The following ANOS1 variants were observed in gnomAD, a reference collection of about 807,000 sequenced individuals.
ANOS1 encodes the protein anosmin 1, also known as anosmin-1.
A neutral mutation model predicts 59.0 loss-of-function variants in ANOS1; 6 were observed. The ratio of observed to expected loss-of-function variants is 0.10; its 90% CI spans 0.06 to 0.20. ANOS1 has a LOEUF of 0.20. ANOS1 is among the 10% of genes least tolerant of loss of function. ANOS1 has a pLI of 1.00. For missense variants in ANOS1, 433 were observed against 542.3 expected (o/e 0.80, Z 2.00); for synonymous variants, 217 against 223.4 (o/e 0.97, Z 0.25).
intron 3 of ANOS1, among the ~76,000 whole-genome samples, chrX:8,603,403 AT>A (rs1385960864): frequency 1.8e-5 from 2 of 112,051 alleles, no homozygotes; most frequent in Non-Finnish European, 3.8e-5. Context: ...AAAAACTAAA[AT>A]GTGGTTTTTA....
At chrX:8,665,315 A>G (rs1932116260) in intron 2 of ANOS1, among the ~76,000 whole-genome samples, 1 of 112,576 alleles carries the variant, frequency 8.9e-6, no homozygotes, top group African/African-American at 3.2e-5. Flanking sequence ...GTAAATTACT[A>G]ACTGCATAAA....
chrX:8,727,246 A>T (rs1932927904), intron 1 of ANOS1, among the ~76,000 whole-genome samples: 1 of 111,766 alleles, frequency 8.9e-6, no homozygotes. Flanking sequence ...CCTCTCCAGG[A>T]CAGGTTCTCA....
intron 2 of ANOS1, among the ~76,000 whole-genome samples, chrX:8,637,221 G>C (rs1357075960): frequency 8.9e-6 from 1 of 111,867 alleles, no homozygotes; most frequent in African/African-American, 3.2e-5. Context: ...TTTTGCACAG[G>C]GTTTAGAAGA....
Position 8,568,354 on chromosome X carries a change from T to C in ANOS1, c.1085A>G (p.Glu362Gly), listed in dbSNP as rs772156018. The stretch of plus-strand genomic sequence containing the variant: ...ATAGTCACAGTCTGGCTGGAGTTTC[T>C]CCAGGATCACAGAATTTTGAAACTA... ...TDGFQNSVILEKLQPDCDYVV... is the reference protein window; with the variant it reads ...TDGFQNSVILGKLQPDCDYVV... Residue 362 changes from glutamate (E) to glycine (G), a missense_variant, in exon 8 of 14, where the codon GAG (glutamate) becomes GGG (glycine). Coordinates refer to ENST00000262648, the MANE Select transcript of ANOS1 (RefSeq NM_000216.4). 1.7e-6 allele frequency: 2 copies of C among 1,208,520 alleles called. No individual in the cohort carries two copies. The highest frequency in any genetic ancestry group is 3.0e-5 in the East Asian group (1 of 33,736).
At chrX:8,657,489 T>A (rs976555451) in intron 2 of ANOS1, among the ~76,000 whole-genome samples, 1 of 103,690 alleles carries the variant, frequency 9.6e-6, no homozygotes, top group South Asian at 4.6e-4. Flanking sequence ...TTTTTTTTTT[T>A]ACGGAGTCTT....
At chrX:8,720,711 G>A (rs1426967925) in intron 1 of ANOS1, among the ~76,000 whole-genome samples, 1 of 110,615 alleles carries the variant, frequency 9.0e-6, no homozygotes, top group African/African-American at 3.3e-5. Context: ...AAACTAGCCT[G>A]ATCAACATAG....
intron 2 of ANOS1, among the ~76,000 whole-genome samples, chrX:8,638,752 T>C (rs191334651): frequency 7.5e-4 from 84 of 111,963 alleles, no homozygotes; most frequent in African/African-American, 2.6e-3. Context: ...TTTAGCAACA[T>C]AGAGGCACTC....
At chrX:8,629,644 T>C (rs1280437857) in intron 2 of ANOS1, among the ~76,000 whole-genome samples, 4 of 109,908 alleles carry the variant, frequency 3.6e-5, no homozygotes, top group Non-Finnish European at 7.5e-5. Flanking sequence ...AACTCATGAG[T>C]GGAAGTACTG....
At position 8,554,063 on chromosome X, in the gene ANOS1, G is replaced by T. The variant is rs1286191530; in HGVS notation, c.1243C>A (p.Gln415Lys). Residue 415 changes from glutamine to lysine, a missense_variant, in exon 9 of 14, where the codon CAA becomes AAA. Transcript: ENST00000262648. ...QLVKTRKGGIQTQLPFQRRRP... is the reference protein window; with the variant it reads ...QLVKTRKGGIKTQLPFQRRRP... ...CGTCTTTGAAAAGGGAGTTGTGTTT[G>T]AATTCCACCTTTTCTAGTTTTCACA... 3.3e-6 allele frequency: 4 copies of T among 1,204,145 alleles called. No individual in the cohort carries two copies. Among genetic ancestry groups the T allele is most frequent in the African/African-American group, 1.8e-5 (1 of 57,103 alleles).
intron 2 of ANOS1, among the ~76,000 whole-genome samples, chrX:8,655,819 C>A: frequency 8.9e-6 from 1 of 112,431 alleles, no homozygotes; most frequent in Non-Finnish European, 1.9e-5. Flanking sequence ...TAAAGCACTT[C>A]TAATACAATT....
At position 8,725,741 on chromosome X, in the gene ANOS1, GATAT is replaced by G. The variant is rs199927471; in HGVS notation, c.207+6085_207+6088del. ...ATATATATACAGATATATATATACAGATATATATATATACAGATATATATATTTG... is the reference window on the plus strand; with the variant it reads ...ATATATATACAGATATATATATACAGATATATATACAGATATATATATTTG... On this transcript the variant is annotated intron_variant, in intron 1 of 13. Coordinates refer to ENST00000262648, the MANE Select transcript of ANOS1 (RefSeq NM_000216.4). Among the ~76,000 whole-genome samples, 14 of 22,931 alleles carry G rather than the reference GATAT, an allele frequency of 6.1e-4. 1 individual carries two copies. Among genetic ancestry groups the G allele is most frequent in the African/African-American group, 5.9e-3 (14 of 2,386 alleles). 19.9% of individuals were successfully genotyped at this position (22,931 alleles called of 115,157 possible).
chrX:8,620,187 A>G lies in ANOS1; in HGVS notation c.318+3421T>C, dbSNP rs140087593. Among the ~76,000 whole-genome samples the G allele has an allele frequency of 3.3e-3, 370 of 112,569 alleles. 1 individual carries two copies. The highest frequency in any genetic ancestry group is 0.011 in the African/African-American group (346 of 31,058). On this transcript the variant is annotated intron_variant, in intron 3 of 13. Coordinates refer to ENST00000262648, the MANE Select transcript of ANOS1 (RefSeq NM_000216.4). ...TCAGCTATAAGGGCCATATAATGTT[A>G]CAAGTACTCAATTCTGTTGTTGTAG...
chrX:8,561,537 G>C (rs930108378), intron 8 of ANOS1, among the ~76,000 whole-genome samples: 19 of 99,095 alleles, frequency 1.9e-4, no homozygotes, highest in African/African-American at 6.8e-4. Flanking sequence ...GGATGGTCTC[G>C]ATCTCCTGAC....
rs1932375244 is a variant in ANOS1 at position 8,678,771 on chromosome X, A to C, written c.255+20927T>G. On this transcript the variant is annotated intron_variant, in intron 2 of 13. Transcript: ENST00000262648. ...TCAATTCCCTTTACTGAGCATGGCC[A>C]ATCTTAGTGCTCAAAGGCACAGAAA... is the stretch of plus-strand genomic sequence containing the variant. Among the ~76,000 whole-genome samples, 5 of 112,059 alleles carry C rather than the reference A, an allele frequency of 4.5e-5. No individual in the cohort carries two copies. In the Admixed American group the frequency reaches 4.8e-4, roughly 11 times the overall value.
intron 1 of ANOS1, among the ~76,000 whole-genome samples, chrX:8,728,858 C>G (rs1013983849): frequency 9.0e-6 from 1 of 111,723 alleles, no homozygotes; most frequent in Admixed American, 9.5e-5. Flanking sequence ...AGTACTGAGT[C>G]CCTTGTGTTT....
At chrX:8,674,532 GGAA>G (rs745910668) in intron 2 of ANOS1, among the ~76,000 whole-genome samples, 7 of 111,895 alleles carry the variant, frequency 6.3e-5, no homozygotes, top group Non-Finnish European at 1.3e-4. Context: ...GGGCCACACT[GGAA>G]GAAGAAGAAT....
At chrX:8,661,588 T>C (rs777932505) in intron 2 of ANOS1, among the ~76,000 whole-genome samples, 59 of 112,122 alleles carry the variant, frequency 5.3e-4, no homozygotes, top group Admixed American at 1.3e-3. Context: ...CCCGTAACAG[T>C]AGACTTTTTG....
intron 2 of ANOS1, among the ~76,000 whole-genome samples, chrX:8,661,151 T>C (rs189741104): frequency 4.5e-5 from 5 of 111,140 alleles, no homozygotes; most frequent in Non-Finnish European, 7.5e-5. Context: ...CCTCATGTGG[T>C]CGACCCTCTG....
intron 6 of ANOS1, among the ~76,000 whole-genome samples, chrX:8,577,072 T>C (rs1032454075): frequency 9.0e-6 from 1 of 111,542 alleles, no homozygotes; most frequent in Non-Finnish European, 1.9e-5. Context: ...CAAAACCAGG[T>C]TGCAGGCCAA....
Sources: allele counts gnomAD v4.1 joint callset (sites outside exome capture counted in the v4.1 genomes callset), GRCh38; gene constraint gnomAD v4.1.1; transcripts MANE v1.5; gene names NCBI Gene and HGNC (gene_info 2026-07-23, HGNC 2026-07-21).